Variants in LRRN2 observed in about 807,000 individuals in gnomAD.
LRRN2 encodes the protein leucine-rich repeat neuronal protein 2.
LRRN2 carries 10 observed loss-of-function variants against 35.7 expected under a neutral mutation model. That is an observed-to-expected ratio of 0.28 (90% confidence interval 0.17 to 0.47). The LOEUF (loss-of-function observed/expected upper bound fraction) is 0.47. LRRN2 is among the 20% of genes least tolerant of loss of function. The pLI is 0.99. For missense variants in LRRN2, 731 were observed against 940.3 expected (o/e 0.78, Z 2.91); for synonymous variants, 391 against 409.6 (o/e 0.95, Z 0.55).
chr1:204,651,362 C>CGTCTGT (rs1558415314), intron 1 of LRRN2, among the ~76,000 whole-genome samples: 116 of 152,264 alleles, frequency 7.6e-4, no homozygotes, highest in African/African-American at 2.2e-3. Context: ...GACTTCTGGC[C>CGTCTGT]GACAGAGCTG....
Position 204,618,104 on chromosome 1 carries a change from C to A in LRRN2, c.1889G>T (p.Gly630Val), listed in dbSNP as rs376037727. 15 of 1,613,976 alleles carry A rather than the reference C, an allele frequency of 9.3e-6. No homozygotes were observed. The highest frequency in any genetic ancestry group is 6.7e-5 in the Admixed American group (4 of 60,012). The change falls in exon 2 of 2, where the codon GGG becomes GTG. Residue 630 changes from glycine (G) to valine (V), a missense_variant. Transcript: ENST00000367177. ...SCHRALGDRP[G>V]LIAILALAVL... ...AGCGAGAGCCAGGATGGCAATGAGCCCAGGACGGTCCCCTAAGGCTCTGTG... is the reference window on the plus strand; with the variant it reads ...AGCGAGAGCCAGGATGGCAATGAGCACAGGACGGTCCCCTAAGGCTCTGTG...
chr1:204,631,256 C>CAATCTAATATA (rs1282306008), intron 1 of LRRN2, among the ~76,000 whole-genome samples: 1,650 of 36,884 alleles, frequency 0.045, 462 homozygotes, highest in Non-Finnish European at 0.06. Flanking sequence ...CTAGAGTGTT[C>CAATCTAATATA]TATATATATA....
At chr1:204,669,197 A>G (rs1233355084) in intron 1 of LRRN2, among the ~76,000 whole-genome samples, 1 of 152,236 alleles carries the variant, frequency 6.6e-6, no homozygotes, top group Non-Finnish European at 1.5e-5. Context: ...AGGAGCCTAC[A>G]CTGGAAACTC....
chr1:204,669,046 A>G (rs1571679923), intron 1 of LRRN2, among the ~76,000 whole-genome samples: 1 of 151,004 alleles, frequency 6.6e-6, no homozygotes, highest in South Asian at 2.1e-4. Flanking sequence ...CTGGTCTTGA[A>G]CTCCTGGCCT....
At chr1:204,671,068 G>A (rs1668699584) in intron 1 of LRRN2, among the ~76,000 whole-genome samples, 1 of 152,190 alleles carries the variant, frequency 6.6e-6, no homozygotes, top group Non-Finnish European at 1.5e-5. Flanking sequence ...CATGGGTGGT[G>A]GAAGAACTGG....
intron 1 of LRRN2, among the ~76,000 whole-genome samples, chr1:204,677,897 A>T (rs1279606222): frequency 6.6e-6 from 1 of 152,040 alleles, no homozygotes; most frequent in African/African-American, 2.4e-5. Flanking sequence ...CTGCTCAGAG[A>T]CAGAAGACCC....
Position 204,620,067 on chromosome 1 carries a change from G to T in LRRN2, c.-75C>A, listed in dbSNP as rs561385516. 151 of 1,518,262 alleles carry T rather than the reference G, an allele frequency of 9.9e-5. No homozygotes were observed. The African/African-American group carries it at 1.6e-3, about 16-fold the overall frequency. The allele number at this position is 1,518,262 out of a possible 1,614,324, so 94.0% of individuals were successfully genotyped here. The stretch of plus-strand genomic sequence containing the variant: ...GCTCTTTGTGTTTTGCAGGGTAAGG[G>T]TCAGCAACCCTGCCAGGGCCCAAGG... On this transcript the variant is annotated 5_prime_UTR_variant, in exon 2 of 2. Transcript: ENST00000367177.
chr1:204,631,720 C>G (rs541300711), intron 1 of LRRN2, among the ~76,000 whole-genome samples: 1 of 151,970 alleles, frequency 6.6e-6, no homozygotes, highest in Non-Finnish European at 1.5e-5. Flanking sequence ...GGTAGTGTTG[C>G]TGGGAATCCA....
At chr1:204,677,036 C>T (rs1668839014) in intron 1 of LRRN2, among the ~76,000 whole-genome samples, 1 of 152,206 alleles carries the variant, frequency 6.6e-6, no homozygotes, top group African/African-American at 2.4e-5. Context: ...CTTCTGGCAC[C>T]TCATAAGCAC....
chr1:204,649,601 C>CA (rs1472760952), intron 1 of LRRN2, among the ~76,000 whole-genome samples: 1 of 152,146 alleles, frequency 6.6e-6, no homozygotes. Context: ...GACAATTAAG[C>CA]AAGCAATAAG....
rs375961600 is a variant in LRRN2 at position 204,619,393 on chromosome 1, C to T, written c.600G>A (p.Lys200=). 1 of 1,614,266 alleles carries T rather than the reference C, an allele frequency of 6.2e-7. No individual in the cohort carries two copies. The highest frequency in any genetic ancestry group is 1.3e-5 in the African/African-American group (1 of 75,072). The change falls in exon 2 of 2, where the codon AAG becomes AAA. Residue 200 remains lysine, a synonymous_variant. Transcript: ENST00000367177. ...AGTTCATGTCCAGGATGGCATCTAC[C>T]TTGTTGCCGCCAATCATGAGTATCT... is the stretch of plus-strand genomic sequence containing the variant. ...NLEILMIGGN[K]VDAILDMNFR...
intron 1 of LRRN2, among the ~76,000 whole-genome samples, chr1:204,624,622 CACT>C (rs1401891783): frequency 6.6e-6 from 1 of 152,204 alleles, no homozygotes; most frequent in Non-Finnish European, 1.5e-5. Flanking sequence ...GAGACGCTGT[CACT>C]ACTTTCTCCC....
intron 1 of LRRN2, among the ~76,000 whole-genome samples, chr1:204,661,646 T>A (rs1668474276): frequency 6.6e-6 from 1 of 152,170 alleles, no homozygotes; most frequent in Non-Finnish European, 1.5e-5. Flanking sequence ...GGCTTGAACA[T>A]CTGCCCAGTT....
At chr1:204,673,996 G>A (rs1254407622) in intron 1 of LRRN2, among the ~76,000 whole-genome samples, 1 of 152,118 alleles carries the variant, frequency 6.6e-6, no homozygotes, top group Non-Finnish European at 1.5e-5. Flanking sequence ...ATAGGAGAGT[G>A]GTGGAAAACA....
chr1:204,629,209 A>G (rs1185336223), intron 1 of LRRN2: 1 of 152,314 alleles, frequency 6.6e-6, no homozygotes, highest in East Asian at 1.9e-4. Flanking sequence ...GCCTTCACAC[A>G]TGCAGGGACC....
chr1:204,631,654 C>A (rs1667708512), intron 1 of LRRN2, among the ~76,000 whole-genome samples: 1 of 151,848 alleles, frequency 6.6e-6, no homozygotes, highest in Non-Finnish European at 1.5e-5. Context: ...CTAAAAATGG[C>A]TGAATTTGAT....
At position 204,638,655 on chromosome 1, in the gene LRRN2, C is replaced by A. The variant is rs548145499; in HGVS notation, c.-226-18437G>T. On this transcript the variant is annotated intron_variant, in intron 1 of 1. Coordinates refer to ENST00000367177, the MANE Select transcript of LRRN2 (RefSeq NM_201630.2). ...TTGAACTCCTGACCTCGTGATCCAC[C>A]CACCTCGGCCTCCCAAAGTGCTGGG... is the stretch of plus-strand genomic sequence containing the variant. 9.9e-5 allele frequency among the ~76,000 whole-genome samples: 15 copies of A among 152,176 alleles called. 1 individual carries two copies. In the East Asian group the frequency reaches 2.7e-3, roughly 27 times the overall value.
chr1:204,627,909 G>A (rs1667521456), intron 1 of LRRN2, among the ~76,000 whole-genome samples: 1 of 152,208 alleles, frequency 6.6e-6, no homozygotes, highest in South Asian at 2.1e-4. Flanking sequence ...TCTGGACACA[G>A]TGGTAGCTCA....
intron 1 of LRRN2, among the ~76,000 whole-genome samples, chr1:204,635,356 GC>G (rs1667808398): frequency 6.6e-6 from 1 of 152,064 alleles, no homozygotes; most frequent in Admixed American, 6.6e-5. Context: ...TGTCTTGGCA[GC>G]CCCAACCTTG....
Sources: gnomAD v4.1 joint callset for allele counts (sites outside exome capture counted in the v4.1 genomes callset) on GRCh38, gnomAD v4.1.1 for gene constraint, MANE v1.5 for transcripts, NCBI Gene and HGNC (gene_info 2026-07-23, HGNC 2026-07-21) for gene names.